TAS2R1: variants seen among roughly 807,000 people sequenced by gnomAD.
TAS2R1 encodes the protein taste 2 receptor member 1, also known as taste receptor type 2 member 1.
For synonymous variants in TAS2R1, 141 were observed against 134.2 expected (o/e 1.05, Z -0.35); for missense variants, 370 against 353.4 (o/e 1.05, Z -0.38).
At chr5:9,824,947 A>G in the TAS2R1 span, among the ~76,000 whole-genome samples, 2 of 152,030 alleles carry the variant, frequency 1.3e-5, no homozygotes, top group Non-Finnish European at 2.9e-5. Flanking sequence ...GACATCTCCT[A>G]AGTAGAGGTG....
the TAS2R1 span, among the ~76,000 whole-genome samples, chr5:9,843,465 G>C: frequency 1.3e-5 from 2 of 151,974 alleles, no homozygotes; most frequent in African/African-American, 4.8e-5. Context: ...TCTATCTTCA[G>C]CCACGATTTT....
the TAS2R1 span, among the ~76,000 whole-genome samples, chr5:9,870,718 T>C: frequency 6.6e-6 from 1 of 151,978 alleles, no homozygotes; most frequent in Non-Finnish European, 1.5e-5. Context: ...CCCAAAAGGG[T>C]AAGTAGTCCA....
At chr5:9,633,424 T>C (rs571425932), upstream of TAS2R1, among the ~76,000 whole-genome samples, 34 of 151,246 alleles carry the variant, frequency 2.2e-4, no homozygotes, top group Non-Finnish European at 4.3e-4. Context: ...TGCAAGTGTC[T>C]TTTTCATATA....
the TAS2R1 span, among the ~76,000 whole-genome samples, chr5:9,778,590 G>A: frequency 1.0e-3 from 153 of 152,308 alleles, 1 homozygote; most frequent in East Asian, 0.028. Flanking sequence ...ACTTGTCTTA[G>A]CTAAATCTTC....
Position 9,629,922 on chromosome 5 carries a change from C to T in TAS2R1, c.111G>A (p.Lys37=), listed in dbSNP as rs750215367. ...IVVVNGIDLI[K]HRKMAPLDLL... ...GATCCAGCGGAGCCATTTTTCTGTGCTTGATCAAGTCAATGCCATTCACCA... is the reference window on the plus strand; with the variant it reads ...GATCCAGCGGAGCCATTTTTCTGTGTTTGATCAAGTCAATGCCATTCACCA... The change falls in exon 1 of 1, where the codon AAG becomes AAA. Residue 37 remains lysine (K), a synonymous_variant. Transcript: ENST00000382492. 5 of 1,613,940 alleles carry T rather than the reference C, an allele frequency of 3.1e-6. No individual in the cohort carries two copies. Among genetic ancestry groups the T allele is most frequent in the Non-Finnish European group, 4.2e-6 (5 of 1,179,982 alleles).
rs772130574 is a variant in TAS2R1 at position 9,629,549 on chromosome 5, G to C, written c.484C>G (p.Gln162Glu). 1 of 1,613,894 alleles carries C rather than the reference G, an allele frequency of 6.2e-7. No individual in the cohort carries two copies. The highest frequency in any genetic ancestry group is 1.3e-5 in the African/African-American group (1 of 74,992). ...VPYFLRKFFS[Q>E]NATIQKEDTL... The stretch of plus-strand genomic sequence containing the variant: ...TCTTCTTTTTGAATTGTGGCATTTT[G>C]GGAGAAAAATTTCCTTAGGAAGTAT... The change falls in exon 1 of 1, where the codon CAA becomes GAA. Residue 162 changes from glutamine (Q) to glutamate (E), a missense_variant. By Grantham distance (29) the Gln-to-Glu change is conservative. Coordinates refer to ENST00000382492, the MANE Select transcript of TAS2R1 (RefSeq NM_019599.3).
the TAS2R1 span, among the ~76,000 whole-genome samples, chr5:9,830,436 T>C: frequency 5.9e-5 from 9 of 151,734 alleles, no homozygotes; most frequent in African/African-American, 9.7e-5. Flanking sequence ...GGTAGACAGA[T>C]AGATGATAGA....
chr5:9,685,779 A>C (rs1741112282), intron 1 of TAS2R1, among the ~76,000 whole-genome samples: 1 of 152,250 alleles, frequency 6.6e-6, no homozygotes. Flanking sequence ...AGTACAGTGC[A>C]TTGTACTACA....
chr5:9,718,170 C>T, the TAS2R1 span, among the ~76,000 whole-genome samples: 4 of 151,208 alleles, frequency 2.6e-5, no homozygotes, highest in South Asian at 2.1e-4. Context: ...GGTGTTTCGC[C>T]GTGTTGGCCA....
chr5:9,712,882 T>C (rs1434876497), upstream of TAS2R1, among the ~76,000 whole-genome samples: 2 of 151,948 alleles, frequency 1.3e-5, no homozygotes, highest in African/African-American at 4.8e-5. Context: ...GACAGATCTT[T>C]CTGTATCTTT....
At chr5:9,702,536 G>A (rs1041722600) in intron 1 of TAS2R1, among the ~76,000 whole-genome samples, 1 of 152,186 alleles carries the variant, frequency 6.6e-6, no homozygotes, top group Non-Finnish European at 1.5e-5. Flanking sequence ...CATAGATAAA[G>A]ACTGGAAATG....
intron 1 of TAS2R1, among the ~76,000 whole-genome samples, chr5:9,677,081 A>G (rs1337400351): frequency 1.3e-5 from 2 of 152,242 alleles, no homozygotes; most frequent in East Asian, 1.9e-4. Flanking sequence ...AGCCATAAAA[A>G]AGAATGAGAT....
the TAS2R1 span, among the ~76,000 whole-genome samples, chr5:9,770,097 C>T: frequency 6.6e-6 from 1 of 151,940 alleles, no homozygotes; most frequent in African/African-American, 2.4e-5. Flanking sequence ...TTTTATATGG[C>T]AAGATGGGGT....
chr5:9,763,242 C>T, the TAS2R1 span, among the ~76,000 whole-genome samples: 1 of 152,274 alleles, frequency 6.6e-6, no homozygotes, highest in East Asian at 1.9e-4. Flanking sequence ...CGGTGGCTCA[C>T]GCCTGTAATC....
At chr5:9,723,724 C>A in the TAS2R1 span, among the ~76,000 whole-genome samples, 11 of 152,218 alleles carry the variant, frequency 7.2e-5, no homozygotes, top group African/African-American at 2.7e-4. Context: ...TTCTGGTGCA[C>A]CTGGTGATGC....
chr5:9,884,061 C>T, the TAS2R1 span: 6 of 152,258 alleles, frequency 3.9e-5, no homozygotes, highest in Middle Eastern at 6.8e-3. Context: ...GTGAGAAAAT[C>T]GGGCTGAACC....
At chr5:9,818,265 A>G in the TAS2R1 span, among the ~76,000 whole-genome samples, 1 of 152,180 alleles carries the variant, frequency 6.6e-6, no homozygotes, top group Admixed American at 6.5e-5. Context: ...GTCAGTGAAG[A>G]CATTTTCTTA....
chr5:9,797,581 C>T, the TAS2R1 span, among the ~76,000 whole-genome samples: 2 of 152,010 alleles, frequency 1.3e-5, no homozygotes, highest in East Asian at 3.9e-4. Context: ...ACAATTAGTG[C>T]CTAATATAGG....
chr5:9,714,575 G>T (rs375776330), upstream of TAS2R1, among the ~76,000 whole-genome samples: 173 of 152,278 alleles, frequency 1.1e-3, no homozygotes, highest in African/African-American at 3.9e-3. Context: ...TCTCTTTGGA[G>T]GATCAATATG....
Sources: gnomAD v4.1 joint callset for allele counts (sites outside exome capture counted in the v4.1 genomes callset) on GRCh38, gnomAD v4.1.1 for gene constraint, MANE v1.5 for transcripts, NCBI Gene and HGNC (gene_info 2026-07-23, HGNC 2026-07-21) for gene names.